Variants in COL25A1 observed in about 807,000 individuals in gnomAD.
COL25A1 encodes the protein collagen type XXV alpha 1 chain, also known as collagen alpha-1(XXV) chain.
Under a neutral mutation model 128.4 loss-of-function variants are expected in COL25A1, and 103 were observed. The observed-to-expected ratio is 0.80, with a 90% confidence interval of 0.68 to 0.94. The LOEUF (loss-of-function observed/expected upper bound fraction) is 0.94. Among genes scored for constraint, COL25A1 ranks in the 40% least tolerant of loss-of-function variants. The pLI, the probability that COL25A1 is intolerant of heterozygous loss-of-function variation, is 0.00. For missense variants in COL25A1, 745 were observed against 840.0 expected, an observed-to-expected ratio of 0.89 and a Z score of 1.40; for synonymous variants, 279 against 277.2, an observed-to-expected ratio of 1.01 and a Z score of -0.06.
intron 3 of COL25A1, among the ~76,000 whole-genome samples, chr4:109,116,279 T>C (rs1767549434): frequency 6.6e-6 from 1 of 152,012 alleles, no homozygotes; most frequent in African/African-American, 2.4e-5. Context: ...AAATAAGCCA[T>C]TTTGAAATAA....
At chr4:109,077,471 C>T (rs940673085) in intron 3 of COL25A1, among the ~76,000 whole-genome samples, 8 of 147,064 alleles carry the variant, frequency 5.4e-5, no homozygotes, top group Admixed American at 4.7e-4. Flanking sequence ...GGAACAAAAG[C>T]GGCAACATTA....
intron 33 of COL25A1, among the ~76,000 whole-genome samples, chr4:108,826,781 A>G (rs555794834): frequency 1.3e-5 from 2 of 152,256 alleles, no homozygotes; most frequent in Non-Finnish European, 2.9e-5. Flanking sequence ...CCATTTTTGG[A>G]TCCAGTGATT....
At chr4:108,823,918 A>G in intron 35 of COL25A1, 1 of 1,393,264 alleles carries the variant, frequency 7.2e-7, no homozygotes, top group Non-Finnish European at 9.3e-7. Context: ...AATTGGTGTC[A>G]GGTGGTTGAA....
chr4:109,036,596 C>T (rs1388199969), intron 5 of COL25A1, among the ~76,000 whole-genome samples: 1 of 152,126 alleles, frequency 6.6e-6, no homozygotes, highest in Non-Finnish European at 1.5e-5. Context: ...TAGGTCATTT[C>T]CTATCCAAGG....
At chr4:109,297,178 C>T (rs1725057780) in intron 3 of COL25A1, among the ~76,000 whole-genome samples, 1 of 151,996 alleles carries the variant, frequency 6.6e-6, no homozygotes, top group African/African-American at 2.4e-5. Context: ...TAGAGCTTTT[C>T]TGACTGCATG....
At chr4:109,160,403 T>C (rs1772449684) in intron 3 of COL25A1, among the ~76,000 whole-genome samples, 1 of 152,164 alleles carries the variant, frequency 6.6e-6, no homozygotes, top group Non-Finnish European at 1.5e-5. Context: ...GAGCAAACTA[T>C]TAACAGAAAG....
At chr4:109,021,916 C>CCGGTT (rs1757801805) in intron 5 of COL25A1, 4 of 358,790 alleles carry the variant, frequency 1.1e-5, no homozygotes, top group Admixed American at 7.3e-5. Context: ...TGAGGTGAGA[C>CCGGTT]CGGTTCTCTG....
chr4:108,863,895 C>A (rs915477409), intron 20 of COL25A1, among the ~76,000 whole-genome samples: 1 of 152,166 alleles, frequency 6.6e-6, no homozygotes, highest in Non-Finnish European at 1.5e-5. Context: ...CAGCCTCAGA[C>A]TGAAAGTTAC....
At chr4:109,266,361 G>T (rs1486346389) in intron 3 of COL25A1, among the ~76,000 whole-genome samples, 1 of 152,182 alleles carries the variant, frequency 6.6e-6, no homozygotes. Context: ...TGGAAACGAT[G>T]AGGTGAAGAT....
intron 3 of COL25A1, among the ~76,000 whole-genome samples, chr4:109,218,357 G>GTTTTTTTTTTTTTTGGTTTT (rs1560887047): frequency 4.1e-5 from 3 of 73,566 alleles, no homozygotes; most frequent in Admixed American, 4.1e-4. Flanking sequence ...GTTTTTTGGG[G>GTTTTTTTTTTTTTTGGTTTT]TTTTTTTTTT....
chr4:108,982,026 T>C (rs1753023914), intron 6 of COL25A1, among the ~76,000 whole-genome samples: 1 of 151,894 alleles, frequency 6.6e-6, no homozygotes, highest in Non-Finnish European at 1.5e-5. Flanking sequence ...AAACCTCGTC[T>C]CTACTAAAAA....
At chr4:109,269,079 C>T (rs1781997955) in intron 3 of COL25A1, among the ~76,000 whole-genome samples, 1 of 110,542 alleles carries the variant, frequency 9.0e-6, no homozygotes, top group East Asian at 3.2e-4. Flanking sequence ...CTATCCCTCC[C>T]CCCTCCCCCC....
At chr4:108,965,042 A>C (rs956000088) in intron 8 of COL25A1, among the ~76,000 whole-genome samples, 2 of 152,236 alleles carry the variant, frequency 1.3e-5, no homozygotes, top group Admixed American at 6.5e-5. Context: ...TCCAGGCCTA[A>C]ATGTTTTAGC....
chr4:108,940,461 C>T, intron 10 of COL25A1, 78 bp downstream of exon 10: 1 of 1,212,798 alleles, frequency 8.2e-7, no homozygotes, highest in Admixed American at 1.7e-5. Flanking sequence ...TGCCCCTCAC[C>T]ACCCTACTCC....
At chr4:109,080,730 A>C (rs1448127490) in intron 3 of COL25A1, among the ~76,000 whole-genome samples, 2 of 152,150 alleles carry the variant, frequency 1.3e-5, no homozygotes, top group African/African-American at 4.8e-5. Context: ...CTTCCTATTT[A>C]TTACTATTCT....
intron 3 of COL25A1, among the ~76,000 whole-genome samples, chr4:109,130,115 G>A (rs1015857495): frequency 1.3e-5 from 2 of 150,122 alleles, no homozygotes; most frequent in South Asian, 2.1e-4. Flanking sequence ...TCTTTCCACA[G>A]AATATACATA....
At chr4:109,012,917 G>A (rs926501728) in intron 5 of COL25A1, among the ~76,000 whole-genome samples, 4 of 152,242 alleles carry the variant, frequency 2.6e-5, no homozygotes, top group Non-Finnish European at 5.9e-5. Flanking sequence ...TCCACTAGGC[G>A]AAGCCAGCTG....
intron 3 of COL25A1, among the ~76,000 whole-genome samples, chr4:109,127,417 A>G (rs189861372): frequency 1.3e-5 from 2 of 152,326 alleles, no homozygotes; most frequent in East Asian, 3.9e-4. Context: ...TTTGATTCAT[A>G]TATGTGAAGC....
intron 5 of COL25A1, among the ~76,000 whole-genome samples, chr4:109,012,278 C>T (rs1579077217): frequency 6.6e-6 from 1 of 152,234 alleles, no homozygotes; most frequent in African/African-American, 2.4e-5. Flanking sequence ...TGGATCTTTC[C>T]AGATCCATGT....
Sources: gnomAD v4.1 joint callset for allele counts (sites outside exome capture counted in the v4.1 genomes callset) on GRCh38, gnomAD v4.1.1 for gene constraint, MANE v1.5 for transcripts, NCBI Gene and HGNC (gene_info 2026-07-23, HGNC 2026-07-21) for gene names.